The following FHIT variants were observed in gnomAD, a reference collection of about 807,000 sequenced individuals.
FHIT encodes the protein bis(5'-adenosyl)-triphosphatase.
Under a neutral mutation model 17.9 loss-of-function variants are expected in FHIT, and 19 were observed. The ratio of observed to expected loss-of-function variants is 1.06; its 90% CI spans 0.74 to 1.56. FHIT has a LOEUF of 1.56. Among genes scored for constraint, FHIT ranks in the 40% most tolerant of loss-of-function variants. The pLI is 0.00. For missense variants in FHIT, 248 were observed against 189.2 expected, an observed-to-expected ratio of 1.31 and a Z score of -1.82; for synonymous variants, 81 against 69.7, an observed-to-expected ratio of 1.16 and a Z score of -0.81.
chr3:61,089,650 T>G (rs1425968495), intron 2 of FHIT, among the ~76,000 whole-genome samples: 10 of 152,178 alleles, frequency 6.6e-5, no homozygotes, highest in Admixed American at 2.0e-4. Flanking sequence ...TACAGAAGAC[T>G]TGAACTCTGG....
intron 8 of FHIT, among the ~76,000 whole-genome samples, chr3:59,779,670 T>C (rs563938088): frequency 1.3e-5 from 2 of 152,102 alleles, no homozygotes; most frequent in Admixed American, 6.6e-5. Context: ...GATACACTGA[T>C]CCGGGCATAC....
chr3:60,804,080 G>T (rs1416893649), intron 4 of FHIT, among the ~76,000 whole-genome samples: 1 of 152,148 alleles, frequency 6.6e-6, no homozygotes, highest in Non-Finnish European at 1.5e-5. Context: ...TGTAACCCCG[G>T]AAGGCAGCGG....
chr3:60,277,657 C>T (rs1397595189), intron 5 of FHIT, among the ~76,000 whole-genome samples: 2 of 152,114 alleles, frequency 1.3e-5, no homozygotes, highest in Non-Finnish European at 2.9e-5. Flanking sequence ...AATCAGACAC[C>T]GCCTCCTCAA....
chr3:60,962,801 C>T (rs1481234477), intron 3 of FHIT, among the ~76,000 whole-genome samples: 1 of 152,174 alleles, frequency 6.6e-6, no homozygotes, highest in East Asian at 1.9e-4. Context: ...GGTGGATAAG[C>T]TTTTTGATGT....
chr3:61,180,431 C>G (rs1235014964), intron 2 of FHIT, among the ~76,000 whole-genome samples: 2 of 152,166 alleles, frequency 1.3e-5, no homozygotes. Flanking sequence ...ATATGCTAAG[C>G]AGATTTTCCT....
chr3:59,941,142 A>C (rs1706496419), intron 7 of FHIT, among the ~76,000 whole-genome samples: 1 of 152,208 alleles, frequency 6.6e-6, no homozygotes, highest in South Asian at 2.1e-4. Flanking sequence ...ATTAGGCTGA[A>C]AACTAGGAAG....
In FHIT at chr3:59,779,997, G is replaced by A. The variant is rs539194977; in HGVS notation, c.349-27676C>T. Among the ~76,000 whole-genome samples, 93 of 152,200 alleles carry A rather than the reference G, an allele frequency of 6.1e-4. 2 individuals carry two copies. The highest frequency in any genetic ancestry group is 1.9e-4 in the Non-Finnish European group (13 of 68,030). ...ACTGCTAGGCAGAAGGTGGGTGAAA[G>A]CCACAAGCATAGCCTGCCTCATAGT... On this transcript the variant is annotated intron_variant, in intron 8 of 9. Coordinates refer to ENST00000492590, the MANE Select transcript of FHIT (RefSeq NM_002012.4).
intron 1 of FHIT, among the ~76,000 whole-genome samples, chr3:61,223,706 C>T (rs1267727127): frequency 6.6e-6 from 1 of 152,198 alleles, no homozygotes; most frequent in African/African-American, 2.4e-5. Context: ...CAATCCCTGA[C>T]TCGAGTGAGG....
chr3:60,965,042 A>G (rs1709652602), intron 3 of FHIT, among the ~76,000 whole-genome samples: 1 of 152,098 alleles, frequency 6.6e-6, no homozygotes. Context: ...ACTTGGTTCC[A>G]TTCTCCTCAT....
intron 5 of FHIT, among the ~76,000 whole-genome samples, chr3:60,207,355 A>G (rs1703244779): frequency 6.6e-6 from 1 of 152,108 alleles, no homozygotes; most frequent in South Asian, 2.1e-4. Context: ...GCAATCAGCC[A>G]CCACTGACAA....
chr3:59,848,650 G>A lies in FHIT; in HGVS notation c.348+73696C>T, dbSNP rs1367276154. On this transcript the variant is annotated intron_variant, in intron 8 of 9. Transcript: ENST00000492590. The stretch of plus-strand genomic sequence containing the variant: ...GGATATATTAGATAAATTAGGTAAC[G>A]CAATGGGAAGGTAAGCTATTCTAAG... Among the ~76,000 whole-genome samples the A allele has an allele frequency of 5.3e-5, 8 of 152,234 alleles. No homozygotes were observed. In the East Asian group the frequency reaches 5.8e-4, roughly 11 times the overall value.
intron 8 of FHIT, among the ~76,000 whole-genome samples, chr3:59,884,201 T>C (rs564829795): frequency 6.6e-6 from 1 of 152,328 alleles, no homozygotes; most frequent in Admixed American, 6.5e-5. Context: ...AACAAAAGCA[T>C]TCTGTGAGAA....
chr3:60,165,535 T>C (rs1012394524), intron 5 of FHIT, among the ~76,000 whole-genome samples: 2 of 152,186 alleles, frequency 1.3e-5, no homozygotes, highest in Non-Finnish European at 2.9e-5. Flanking sequence ...GTGAGCATTA[T>C]TTAGAATAGC....
At chr3:61,069,041 T>A (rs568370244) in intron 2 of FHIT, among the ~76,000 whole-genome samples, 1 of 152,302 alleles carries the variant, frequency 6.6e-6, no homozygotes, top group Admixed American at 6.5e-5. Context: ...AAGCCAATCC[T>A]GAATCAAAAT....
chr3:59,998,860 A>G (rs1699619941), intron 7 of FHIT, among the ~76,000 whole-genome samples: 2 of 152,144 alleles, frequency 1.3e-5, no homozygotes, highest in African/African-American at 4.8e-5. Context: ...TAGAAATCCA[A>G]TAGTTATTCG....
chr3:60,659,100 C>T (rs1037395208), intron 4 of FHIT, among the ~76,000 whole-genome samples: 4 of 151,856 alleles, frequency 2.6e-5, no homozygotes, highest in Admixed American at 6.6e-5. Context: ...TATGTCAGCC[C>T]ATTGCATTCT....
intron 4 of FHIT, among the ~76,000 whole-genome samples, chr3:60,776,132 A>T (rs1484783501): frequency 6.6e-6 from 1 of 152,148 alleles, no homozygotes; most frequent in African/African-American, 2.4e-5. Flanking sequence ...TCAAGCCTCC[A>T]TCTTGTTTTA....
chr3:60,594,763 T>TC (rs1553665625), intron 4 of FHIT, among the ~76,000 whole-genome samples: 1 of 152,112 alleles, frequency 6.6e-6, no homozygotes, highest in South Asian at 2.1e-4. Flanking sequence ...CATTGCTTTT[T>TC]CCCCCATATC....
chr3:61,021,406 C>T (rs541645257), intron 3 of FHIT, among the ~76,000 whole-genome samples: 14 of 145,676 alleles, frequency 9.6e-5, no homozygotes, highest in South Asian at 6.9e-4. Flanking sequence ...GAGACCATCC[C>T]AGCTAAAACG....
Sources: allele counts gnomAD v4.1 joint callset (sites outside exome capture counted in the v4.1 genomes callset), GRCh38; gene constraint gnomAD v4.1.1; transcripts MANE v1.5; gene names NCBI Gene and HGNC (gene_info 2026-07-23, HGNC 2026-07-21).